The following AFF3 variants were observed in gnomAD, a reference collection of about 807,000 sequenced individuals.
The protein encoded by AFF3 is ALF transcription elongation factor 3.
Under a neutral mutation model 129.7 loss-of-function variants are expected in AFF3, and 32 were observed. The ratio of observed to expected loss-of-function variants is 0.25; its 90% CI spans 0.19 to 0.33. The LOEUF (loss-of-function observed/expected upper bound fraction) is 0.33. AFF3 is among the 10% of genes least tolerant of loss of function. The pLI is 1.00. For missense variants in AFF3, 1,373 were observed against 1,592.0 expected (o/e 0.86, Z 2.34); for synonymous variants, 644 against 635.4 (o/e 1.01, Z -0.20).
chr2:100,093,847 C>G (rs1462699718), intron 4 of AFF3, among the ~76,000 whole-genome samples: 2 of 152,222 alleles, frequency 1.3e-5, no homozygotes, highest in Non-Finnish European at 2.9e-5. Context: ...TCACTGTAAC[C>G]TGAGCCCAGA....
intron 11 of AFF3, among the ~76,000 whole-genome samples, chr2:99,713,019 G>A (rs1678037565): frequency 6.6e-6 from 1 of 152,172 alleles, no homozygotes; most frequent in African/African-American, 2.4e-5. Flanking sequence ...CCACTTATAT[G>A]AGGTCCCCAG....
intron 7 of AFF3, among the ~76,000 whole-genome samples, chr2:99,911,104 G>C (rs1255327824): frequency 6.6e-6 from 1 of 152,258 alleles, no homozygotes; most frequent in Non-Finnish European, 1.5e-5. Flanking sequence ...AGTCAGAGCT[G>C]CTAGGGTGTG....
At chr2:99,863,726 A>G (rs1462156529) in intron 7 of AFF3, among the ~76,000 whole-genome samples, 1 of 152,220 alleles carries the variant, frequency 6.6e-6, no homozygotes, top group African/African-American at 2.4e-5. Flanking sequence ...GCAAGAATGC[A>G]TGAGTCAGCT....
At chr2:99,854,549 A>C (rs968267813) in intron 7 of AFF3, among the ~76,000 whole-genome samples, 4 of 152,226 alleles carry the variant, frequency 2.6e-5, no homozygotes, top group African/African-American at 9.6e-5. Flanking sequence ...CTTATTACGG[A>C]AAAATCCATG....
intron 7 of AFF3, among the ~76,000 whole-genome samples, chr2:99,937,360 G>C (rs2106326989): frequency 6.6e-6 from 1 of 152,238 alleles, no homozygotes; most frequent in Non-Finnish European, 1.5e-5. Flanking sequence ...ATATGGAGGA[G>C]CTATACATAT....
rs372644517 is a variant in AFF3 at position 100,136,297 on chromosome 2, C to T, written c.-228+6187G>A. On this transcript the variant is annotated intron_variant, in intron 1 of 24. Coordinates refer to ENST00000672756, the MANE Select transcript of AFF3 (RefSeq NM_001386135.1). ...AAGCAGGGCCATCGGGGGACTGGGG[C>T]GCTTCACCACCCGGAGATGTGGGAG... 5.3e-5 allele frequency among the ~76,000 whole-genome samples: 8 copies of T among 152,126 alleles called. 1 individual carries two copies. The highest frequency in any genetic ancestry group is 1.9e-4 in the East Asian group (1 of 5,162).
At chr2:99,785,968 C>T (rs559694365) in intron 8 of AFF3, among the ~76,000 whole-genome samples, 2 of 152,232 alleles carry the variant, frequency 1.3e-5, no homozygotes, top group Non-Finnish European at 2.9e-5. Flanking sequence ...AGGCTGGTCT[C>T]GAACTCTTGA....
chr2:99,768,552 C>T lies in AFF3; in HGVS notation c.922-16251G>A, dbSNP rs57010690. Among the ~76,000 whole-genome samples the T allele has an allele frequency of 1.8e-3, 280 of 152,260 alleles. 3 individuals carry two copies. The highest frequency in any genetic ancestry group is 6.3e-3 in the African/African-American group (263 of 41,530). ...TTTACACACCATAGTTACAGTGTTG[C>T]AATATTCTGTTTTTCTGTGTACTTA... On this transcript the variant is annotated intron_variant, in intron 8 of 24. Transcript: ENST00000672756.
At chr2:99,629,168 T>C (rs1400420281) in intron 13 of AFF3, among the ~76,000 whole-genome samples, 3 of 152,188 alleles carry the variant, frequency 2.0e-5, no homozygotes, top group African/African-American at 7.2e-5. Flanking sequence ...CCTTTATTTC[T>C]CTTGCCTGAC....
intron 11 of AFF3, among the ~76,000 whole-genome samples, chr2:99,722,105 T>G (rs1337842029): frequency 1.3e-5 from 2 of 152,232 alleles, no homozygotes; most frequent in Non-Finnish European, 2.9e-5. Flanking sequence ...TTATTCTTAT[T>G]GGTTTCCATT....
At chr2:99,810,205 T>C (rs1402948543) in intron 8 of AFF3, among the ~76,000 whole-genome samples, 2 of 152,186 alleles carry the variant, frequency 1.3e-5, no homozygotes, top group Non-Finnish European at 2.9e-5. Context: ...AAAAGATGGA[T>C]AACGTGAAGT....
At position 100,142,113 on chromosome 2, in the gene AFF3, G is replaced by A. The variant is rs530857868; in HGVS notation, c.-228+371C>T. On this transcript the variant is annotated intron_variant, in intron 1 of 24. Coordinates refer to ENST00000672756, the MANE Select transcript of AFF3 (RefSeq NM_001386135.1). ...GGTTATAGCTAATGAGCAACATGAG[G>A]TTAAGACACACTTTTCATAAGGCCC... Among the ~76,000 whole-genome samples, 3 of 152,058 alleles carry A rather than the reference G, an allele frequency of 2.0e-5. No homozygotes were observed. The East Asian group carries it at 5.8e-4, about 29-fold the overall frequency.
chr2:99,617,012 A>T (rs1681501316), intron 13 of AFF3, among the ~76,000 whole-genome samples: 1 of 152,216 alleles, frequency 6.6e-6, no homozygotes, highest in Admixed American at 6.5e-5. Context: ...CTGGTTGAAT[A>T]ATATTCCATT....
chr2:99,764,800 G>A (rs773509690), intron 8 of AFF3, among the ~76,000 whole-genome samples: 1 of 152,066 alleles, frequency 6.6e-6, no homozygotes, highest in Non-Finnish European at 1.5e-5. Context: ...ACTTCACCAC[G>A]GAGTCCCTGC....
intron 7 of AFF3, among the ~76,000 whole-genome samples, chr2:99,934,018 C>A (rs1339807547): frequency 1.3e-5 from 2 of 152,128 alleles, no homozygotes; most frequent in African/African-American, 2.4e-5. Flanking sequence ...GGAGGTAGCA[C>A]CAGCATCTCT....
intron 7 of AFF3, among the ~76,000 whole-genome samples, chr2:99,957,939 T>C (rs1676821995): frequency 6.6e-6 from 1 of 152,186 alleles, no homozygotes; most frequent in Admixed American, 6.5e-5. Context: ...GAAGAATTCT[T>C]GGTAGACCTC....
intron 22 of AFF3, among the ~76,000 whole-genome samples, chr2:99,557,809 G>C (rs1375638802): frequency 2.0e-5 from 3 of 152,106 alleles, no homozygotes; most frequent in Non-Finnish European, 4.4e-5. Context: ...AGCACAGCCT[G>C]GCCATTAGAG....
At chr2:99,970,304 C>T (rs866015309) in intron 7 of AFF3, among the ~76,000 whole-genome samples, 1 of 152,158 alleles carries the variant, frequency 6.6e-6, no homozygotes. Context: ...TCTCCCCTGA[C>T]CATCCTTTCT....
Position 99,554,700 on chromosome 2 carries a change from C to A in AFF3, c.3318G>T (p.Pro1106=), listed in dbSNP as rs147667483. 6 of 1,614,104 alleles carry A rather than the reference C, an allele frequency of 3.7e-6. No individual in the cohort carries two copies. In the African/African-American group the frequency reaches 5.3e-5, roughly 14 times the overall value. Residue 1106 remains proline (P), a synonymous_variant, in exon 23 of 25, where the codon CCG becomes CCT. Coordinates refer to ENST00000672756, the MANE Select transcript of AFF3 (RefSeq NM_001386135.1). Reference sequence around the variant, plus strand: ...GAACTTACTTTCCACTGGCCCCCCACGGAGATGGGGCTTGGGCGGCTTTAG... The same window carrying A: ...GAACTTACTTTCCACTGGCCCCCCAAGGAGATGGGGCTTGGGCGGCTTTAG... The part of the protein sequence containing the change: ...NSSKAAQAPS[P]WGASGKSTGT...
Sources: allele counts gnomAD v4.1 joint callset (sites outside exome capture counted in the v4.1 genomes callset), GRCh38; gene constraint gnomAD v4.1.1; transcripts MANE v1.5; gene names NCBI Gene and HGNC (gene_info 2026-07-23, HGNC 2026-07-21).